The following LRRC28 variants were observed in gnomAD, a reference collection of about 807,000 sequenced individuals.
LRRC28 encodes leucine rich repeat containing 28.
A neutral mutation model predicts 45.7 loss-of-function variants in LRRC28; 39 were observed. The observed-to-expected ratio is 0.85, with a 90% CI of 0.66 to 1.12. LRRC28 has a LOEUF of 1.12. Ranked by LOEUF, LRRC28 falls within the 50% of genes most tolerant of loss-of-function variation. LRRC28 has a pLI of 0.00. For missense variants in LRRC28, 435 were observed against 438.5 expected (o/e 0.99, Z 0.07); for synonymous variants, 206 against 178.8 (o/e 1.15, Z -1.22).
rs2152259454 is a variant in LRRC28, at chr15:99,308,503, A to G, written c.385+20552A>G. Reference sequence around the variant, plus strand: ...CAACATAGTAAGACCTTGTCTCTACAAAAGATAAAAATAAAAAACTTAGTT... The same window carrying G: ...CAACATAGTAAGACCTTGTCTCTACGAAAGATAAAAATAAAAAACTTAGTT... On this transcript the variant is annotated intron_variant, in intron 5 of 9. Coordinates refer to ENST00000301981, the MANE Select transcript of LRRC28 (RefSeq NM_144598.5). 1.3e-5 allele frequency among the ~76,000 whole-genome samples: 2 copies of G among 152,218 alleles called. 1 individual carries two copies. Among genetic ancestry groups the G allele is most frequent in the South Asian group, 4.1e-4 (2 of 4,820 alleles).
chr15:99,311,298 T>G (rs1567651393), intron 5 of LRRC28, among the ~76,000 whole-genome samples: 2 of 152,146 alleles, frequency 1.3e-5, no homozygotes, highest in African/African-American at 4.8e-5. Flanking sequence ...TTTAGAGCAT[T>G]TCAGATTTCA....
At chr15:99,294,163 C>A (rs905953275) in intron 5 of LRRC28, among the ~76,000 whole-genome samples, 5 of 152,124 alleles carry the variant, frequency 3.3e-5, no homozygotes, top group Admixed American at 1.3e-4. Context: ...TGTCTTGATA[C>A]AGGATTTTTT....
intron 5 of LRRC28, among the ~76,000 whole-genome samples, 198 bp downstream of exon 5, chr15:99,288,149 A>G (rs769487192): frequency 1.2e-4 from 19 of 152,218 alleles, no homozygotes; most frequent in Non-Finnish European, 2.4e-4. Context: ...TAGAATTTAT[A>G]TTTTAGATAT....
At chr15:99,379,465 A>AT (rs142769590) in intron 9 of LRRC28, among the ~76,000 whole-genome samples, 8,153 of 151,968 alleles carry the variant, frequency 0.054, 231 homozygotes, top group Admixed American at 0.072. Flanking sequence ...CAGTCTATCA[A>AT]TTTTGTTGAT....
intron 9 of LRRC28, among the ~76,000 whole-genome samples, chr15:99,380,701 C>T (rs1000142337): frequency 4.6e-5 from 7 of 152,286 alleles, no homozygotes; most frequent in Middle Eastern, 3.4e-3. Flanking sequence ...TTAGTGCTTC[C>T]TTCAGGAGCT....
chr15:99,354,273 TACTTAC>T (rs1423015246), intron 7 of LRRC28, among the ~76,000 whole-genome samples: 2 of 152,252 alleles, frequency 1.3e-5, no homozygotes, highest in South Asian at 2.1e-4. Flanking sequence ...CCCAAAATTA[TACTTAC>T]AATAATACTT....
At chr15:99,314,760 T>C (rs1357744816) in intron 5 of LRRC28, among the ~76,000 whole-genome samples, 2 of 152,222 alleles carry the variant, frequency 1.3e-5, no homozygotes, top group African/African-American at 2.4e-5. Context: ...TGTTTGAACA[T>C]CAATCTCTAG....
intron 2 of LRRC28, among the ~76,000 whole-genome samples, chr15:99,265,397 T>C (rs955685034): frequency 6.6e-6 from 1 of 152,092 alleles, no homozygotes; most frequent in Admixed American, 6.5e-5. Flanking sequence ...AAGTACCCAT[T>C]GATGTTGACG....
intron 2 of LRRC28, among the ~76,000 whole-genome samples, chr15:99,270,875 G>A (rs1264890249): frequency 1.3e-5 from 2 of 152,124 alleles, no homozygotes; most frequent in Admixed American, 6.5e-5. Flanking sequence ...TTACATTACC[G>A]CCAGCAGTGC....
intron 6 of LRRC28, among the ~76,000 whole-genome samples, chr15:99,350,068 G>A (rs1366186682): frequency 2.6e-5 from 4 of 151,124 alleles, no homozygotes; most frequent in African/African-American, 9.7e-5. Context: ...CCCGGGAAGC[G>A]GAGCTTGCAG....
At chr15:99,324,331 A>T (rs1202749504) in intron 5 of LRRC28, among the ~76,000 whole-genome samples, 2 of 152,198 alleles carry the variant, frequency 1.3e-5, no homozygotes, top group Admixed American at 6.5e-5. Context: ...ACTGCAGTTG[A>T]CTGTGGGTAA....
At chr15:99,329,741 A>C (rs1475333057) in intron 5 of LRRC28, among the ~76,000 whole-genome samples, 1 of 152,216 alleles carries the variant, frequency 6.6e-6, no homozygotes, top group Non-Finnish European at 1.5e-5. Context: ...TGGTTGACCC[A>C]TCATAGTTTT....
chr15:99,340,500 G>A (rs534420903), intron 6 of LRRC28, among the ~76,000 whole-genome samples: 152 of 152,298 alleles, frequency 1.0e-3, no homozygotes, highest in Non-Finnish European at 1.9e-3. Context: ...CTATTGAAAC[G>A]AGTTGGAAAC....
At chr15:99,353,500 G>A (rs1296215311) in intron 7 of LRRC28, among the ~76,000 whole-genome samples, 2 of 152,192 alleles carry the variant, frequency 1.3e-5, no homozygotes, top group Non-Finnish European at 2.9e-5. Context: ...ACTCCAAGCT[G>A]AGAGATGTAT....
At chr15:99,292,102 C>T (rs1329904154) in intron 5 of LRRC28, among the ~76,000 whole-genome samples, 1 of 152,192 alleles carries the variant, frequency 6.6e-6, no homozygotes, top group Non-Finnish European at 1.5e-5. Flanking sequence ...TTGAGTCCTG[C>T]TGCTCCATCC....
chr15:99,251,526 C>G lies in LRRC28; in HGVS notation c.-76C>G, dbSNP rs1458563370. The G allele has an allele frequency of 6.6e-6, 1 of 151,350 alleles. No homozygotes were observed. The highest frequency in any genetic ancestry group is 1.5e-5 in the Non-Finnish European group (1 of 67,880). 9.4% of individuals were successfully genotyped at this position (151,350 alleles called of 1,614,324 possible). A position where few individuals can be genotyped will look rare whatever the true frequency, so the allele number is the denominator to read the frequency against. ...CGCCGCTTGCGCTCCGGAGCGCTGG[C>G]TCTGCTGGCGCTGAGGTGAGTAGAG... On this transcript the variant is annotated 5_prime_UTR_variant, in exon 1 of 10. Coordinates refer to ENST00000301981, the MANE Select transcript of LRRC28 (RefSeq NM_144598.5).
At position 99,386,040 on chromosome 15, in the gene LRRC28, G is replaced by A. The variant is rs558679112; in HGVS notation, c.1042G>A (p.Val348Ile). The change falls in exon 10 of 10, where the codon GTT becomes ATT. Residue 348 changes from valine (V) to isoleucine (I), a missense_variant. Coordinates refer to ENST00000301981, the MANE Select transcript of LRRC28 (RefSeq NM_144598.5). ...TTTTTCCCCTTCCAGGAAGACAACT[G>A]TTAGTTTTGTGGCTTACTGCTGCTC... Reference protein sequence around the residue: ...MAGLHQWKTTVSFVAYCCSTQ... With the variant: ...MAGLHQWKTTISFVAYCCSTQ... 2 of 1,614,062 alleles carry A rather than the reference G, an allele frequency of 1.2e-6. No individual in the cohort carries two copies. Among genetic ancestry groups the A allele is most frequent in the Non-Finnish European group, 1.7e-6 (2 of 1,179,932 alleles).
At chr15:99,311,098 G>A (rs559704673) in intron 5 of LRRC28, among the ~76,000 whole-genome samples, 5 of 152,250 alleles carry the variant, frequency 3.3e-5, no homozygotes, top group South Asian at 2.1e-4. Flanking sequence ...GTTTGCTTGC[G>A]TGGAGCTATC....
intron 5 of LRRC28, among the ~76,000 whole-genome samples, chr15:99,296,673 G>A (rs1226936451): frequency 2.0e-5 from 3 of 152,172 alleles, no homozygotes; most frequent in Non-Finnish European, 4.4e-5. Context: ...CTGGAGGGGG[G>A]ACTTGCTGTT....
Sources: gnomAD v4.1 joint callset for allele counts (sites outside exome capture counted in the v4.1 genomes callset) on GRCh38, gnomAD v4.1.1 for gene constraint, MANE v1.5 for transcripts, NCBI Gene and HGNC (gene_info 2026-07-23, HGNC 2026-07-21) for gene names.